Variants in SH2D4A observed in about 807,000 individuals in gnomAD.
The protein encoded by SH2D4A is SH2 domain-containing protein 4A.
Under a neutral mutation model 64.7 loss-of-function variants are expected in SH2D4A, and 70 were observed. That is an observed-to-expected ratio of 1.08 (90% confidence interval 0.89 to 1.32). SH2D4A has a LOEUF of 1.32. Among genes scored for constraint, SH2D4A ranks in the 40% most tolerant of loss-of-function variants. The pLI, the probability that SH2D4A is intolerant of heterozygous loss-of-function variation, is 0.00. For missense variants in SH2D4A, 706 were observed against 540.1 expected (o/e 1.31, Z -3.04); for synonymous variants, 268 against 200.7 (o/e 1.34, Z -2.83).
At chr8:19,318,858 TTTC>T (rs1318999735) in intron 1 of SH2D4A, among the ~76,000 whole-genome samples, 1 of 152,240 alleles carries the variant, frequency 6.6e-6, no homozygotes, top group Non-Finnish European at 1.5e-5. Context: ...TTTCTTCCTT[TTTC>T]TTCCTTGAGC....
At chr8:19,369,096 C>T (rs557157931) in intron 7 of SH2D4A, among the ~76,000 whole-genome samples, 2 of 151,982 alleles carry the variant, frequency 1.3e-5, no homozygotes, top group East Asian at 3.9e-4. Context: ...ATCTTGTGGT[C>T]TTTGTCTTTT....
In SH2D4A at chr8:19,319,459, C is replaced by T. The variant is rs895261142; in HGVS notation, c.-89C>T. The stretch of plus-strand genomic sequence containing the variant: ...AGCTGTTTGGGAAGTTTCGTGGAAA[C>T]GCCCAAGTGCCAGCACAGGTGGAGG... On this transcript the variant is annotated 5_prime_UTR_variant, in exon 2 of 10. The change creates a new upstream start codon in the 5' untranslated region. Coordinates refer to ENST00000265807, the MANE Select transcript of SH2D4A (RefSeq NM_022071.4). 64 of 1,351,382 alleles carry T rather than the reference C, an allele frequency of 4.7e-5. No homozygotes were observed. Among genetic ancestry groups the T allele is most frequent in the South Asian group, 7.1e-5 (3 of 42,530 alleles). The allele number at this position is 1,351,382 out of a possible 1,614,324, so 83.7% of individuals were successfully genotyped here. A position where few individuals can be genotyped will look rare whatever the true frequency, so the allele number is the denominator to read the frequency against.
chr8:19,322,199 T>C (rs1387677366), intron 2 of SH2D4A, among the ~76,000 whole-genome samples: 2 of 152,316 alleles, frequency 1.3e-5, no homozygotes, highest in East Asian at 3.9e-4. Context: ...GATAAAGCCA[T>C]AGACCGTCCA....
intron 4 of SH2D4A, among the ~76,000 whole-genome samples, chr8:19,351,464 G>T (rs965500453): frequency 6.6e-6 from 1 of 151,962 alleles, no homozygotes; most frequent in African/African-American, 2.4e-5. Flanking sequence ...TTAGCCAGGC[G>T]TGCTGGCAGG....
At chr8:19,352,271 T>C (rs959677749) in intron 4 of SH2D4A, among the ~76,000 whole-genome samples, 10 of 152,240 alleles carry the variant, frequency 6.6e-5, no homozygotes, top group Admixed American at 3.3e-4. Flanking sequence ...CTTATGTAGA[T>C]TTGAACTGTC....
chr8:19,389,929 T>A (rs2053460602), intron 8 of SH2D4A, among the ~76,000 whole-genome samples: 1 of 152,082 alleles, frequency 6.6e-6, no homozygotes, highest in South Asian at 2.1e-4. Flanking sequence ...TCCTATGACA[T>A]CAGGTTTGGT....
At chr8:19,355,459 A>T (rs183288026) in intron 4 of SH2D4A, among the ~76,000 whole-genome samples, 7 of 152,284 alleles carry the variant, frequency 4.6e-5, no homozygotes, top group Admixed American at 2.6e-4. Context: ...TTAAAATAAG[A>T]AAACAATGAG....
At chr8:19,316,532 C>T (rs186990589) in intron 1 of SH2D4A, among the ~76,000 whole-genome samples, 3 of 152,276 alleles carry the variant, frequency 2.0e-5, no homozygotes, top group Admixed American at 1.3e-4. Context: ...GTGTGACAGT[C>T]GGTTCCTTGC....
chr8:19,361,254 G>A lies in SH2D4A; in HGVS notation c.646G>A (p.Glu216Lys), dbSNP rs143405034. The A allele has an allele frequency of 1.3e-5, 21 of 1,609,858 alleles. No homozygotes were observed. The African/African-American group carries it at 2.5e-4, about 19-fold the overall frequency. The change falls in exon 6 of 10, where the codon GAA becomes AAA. Residue 216 changes from glutamate (E) to lysine (K), a missense_variant. Physicochemically the swap from Glu to Lys is moderately conservative, Grantham distance 56 (BLOSUM62 1). Transcript: ENST00000265807. The stretch of plus-strand genomic sequence containing the variant: ...AGATGAAGAAATAAATCAAATAGAA[G>A]AAGAGAGAACGAAGCAGATTTGTAA... ...KQDEEINQIEEERTKQICKSW... is the reference protein window; with the variant it reads ...KQDEEINQIEKERTKQICKSW...
intron 2 of SH2D4A, among the ~76,000 whole-genome samples, chr8:19,330,297 A>G (rs952923874): frequency 6.6e-6 from 1 of 152,284 alleles, no homozygotes; most frequent in Non-Finnish European, 1.5e-5. Context: ...AAGCTCCTCC[A>G]GTATCCCCAC....
chr8:19,368,092 C>A (rs2053031118), intron 7 of SH2D4A, among the ~76,000 whole-genome samples: 1 of 152,108 alleles, frequency 6.6e-6, no homozygotes, highest in Non-Finnish European at 1.5e-5. Flanking sequence ...CTAGTTTTCT[C>A]AGTACCATAT....
In SH2D4A at chr8:19,348,094, C is replaced by T. The variant is rs190638857; in HGVS notation, c.514-9109C>T. ...TATGGTGGTTTTCAGTTTTTGTGTG[C>T]GTGTGTGTGTGTATTTTTAGAAACA... is the stretch of plus-strand genomic sequence containing the variant. On this transcript the variant is annotated intron_variant, in intron 4 of 9. Coordinates refer to ENST00000265807, the MANE Select transcript of SH2D4A (RefSeq NM_022071.4). 4.2e-3 allele frequency among the ~76,000 whole-genome samples: 632 copies of T among 151,992 alleles called. 6 individuals carry two copies. The highest frequency in any genetic ancestry group is 6.3e-3 in the Non-Finnish European group (427 of 67,962).
chr8:19,363,949 T>C, intron 6 of SH2D4A, 123 bp from the exon 7 acceptor site: 2 of 840,920 alleles, frequency 2.4e-6, no homozygotes, highest in Non-Finnish European at 3.7e-6. Context: ...GATTGTTCCT[T>C]ATTATAAGCA....
Position 19,313,715 on chromosome 8 carries a change from CCGCTTGGGA to C in SH2D4A, c.-309_-301del. ...GGAGTATTTGCTCAGCCCGCCTGCG[CCGCTTGGGA>C]CGCCTCTGCCTTTCCCTCCCTCCCT... On this transcript the variant is annotated 5_prime_UTR_variant, in exon 1 of 10. Coordinates refer to ENST00000265807, the MANE Select transcript of SH2D4A (RefSeq NM_022071.4). 6.7e-7 allele frequency: 1 copy of C among 1,491,540 alleles called. No homozygotes were observed. The highest frequency in any genetic ancestry group is 8.9e-7 in the Non-Finnish European group (1 of 1,120,362). The allele number at this position is 1,491,540 out of a possible 1,614,324, so 92.4% of individuals were successfully genotyped here.
chr8:19,320,733 C>T (rs748449482), intron 2 of SH2D4A, among the ~76,000 whole-genome samples: 1 of 152,140 alleles, frequency 6.6e-6, no homozygotes, highest in Admixed American at 6.5e-5. Flanking sequence ...CACACCCCCG[C>T]CTTGCTGTTT....
chr8:19,366,115 T>G (rs560493629), intron 7 of SH2D4A, among the ~76,000 whole-genome samples: 1 of 152,190 alleles, frequency 6.6e-6, no homozygotes, highest in African/African-American at 2.4e-5. Flanking sequence ...ACAATACTAG[T>G]AGTTCATCGA....
At chr8:19,382,463 C>G (rs1304760388) in intron 8 of SH2D4A, among the ~76,000 whole-genome samples, 1 of 152,102 alleles carries the variant, frequency 6.6e-6, no homozygotes, top group Non-Finnish European at 1.5e-5. Context: ...TTTTCACTTT[C>G]AATACAATAT....
chr8:19,333,343 A>G (rs893187539), intron 3 of SH2D4A, among the ~76,000 whole-genome samples: 1 of 152,188 alleles, frequency 6.6e-6, no homozygotes, highest in African/African-American at 2.4e-5. Context: ...CTTTGATAGC[A>G]CTAAAGACCT....
At chr8:19,337,187 G>C (rs541934551) in intron 4 of SH2D4A, among the ~76,000 whole-genome samples, 1 of 152,110 alleles carries the variant, frequency 6.6e-6, no homozygotes, top group South Asian at 2.1e-4. Flanking sequence ...AGAAGATGCT[G>C]TCAGGGGCTC....
Sources: gnomAD v4.1 joint callset for allele counts (sites outside exome capture counted in the v4.1 genomes callset) on GRCh38, gnomAD v4.1.1 for gene constraint, MANE v1.5 for transcripts, NCBI Gene and HGNC (gene_info 2026-07-23, HGNC 2026-07-21) for gene names.